The following DENND2B variants were observed in gnomAD, a reference collection of about 807,000 sequenced individuals.
The protein encoded by DENND2B is DENN domain containing 2B, also known as DENN domain-containing protein 2B.
In DENND2B, 32 loss-of-function variants were observed where a neutral mutation model predicts 116.0. That is an observed-to-expected ratio of 0.28 (90% CI 0.21 to 0.37). The LOEUF is 0.37. DENND2B is among the 10% of genes least tolerant of loss of function. DENND2B has a pLI of 1.00. For missense variants in DENND2B, 1,276 were observed against 1,477.7 expected (o/e 0.86, Z 2.24); for synonymous variants, 588 against 583.9 (o/e 1.01, Z -0.10).
intron 3 of DENND2B, among the ~76,000 whole-genome samples, chr11:8,851,723 T>C (rs376491083): frequency 7.0e-5 from 10 of 143,248 alleles, no homozygotes; most frequent in Middle Eastern, 4.0e-3. Flanking sequence ...TTTAAATACA[T>C]AGGGGGGGAC....
intron 7 of DENND2B, 25 bp from the exon 8 acceptor site, chr11:8,714,067 T>C: frequency 1.2e-6 from 2 of 1,602,646 alleles, no homozygotes; most frequent in East Asian, 2.3e-5. Context: ...GCAGAGTACA[T>C]ACTTGCTGGA....
At chr11:8,761,036 C>T (rs917923431) in intron 1 of DENND2B, among the ~76,000 whole-genome samples, 1 of 152,190 alleles carries the variant, frequency 6.6e-6, no homozygotes, top group African/African-American at 2.4e-5. Context: ...TCAAAGAAAG[C>T]CCTTTAAGTC....
At chr11:8,718,638 A>G in intron 4 of DENND2B, 1 of 1,302,088 alleles carries the variant, frequency 7.7e-7, no homozygotes, top group Non-Finnish European at 9.7e-7. Context: ...TCCTGCTGTG[A>G]CACAGGGGAG....
At chr11:8,779,300 G>T (rs1285387955) in intron 1 of DENND2B, among the ~76,000 whole-genome samples, 1 of 152,156 alleles carries the variant, frequency 6.6e-6, no homozygotes, top group Non-Finnish European at 1.5e-5. Flanking sequence ...AAGGTCCCAA[G>T]GCAGAGAGAG....
At chr11:8,830,895 A>G (rs900056763) in intron 4 of DENND2B, 4 of 152,328 alleles carry the variant, frequency 2.6e-5, no homozygotes, top group Non-Finnish European at 5.9e-5. Flanking sequence ...TGGGAAGATA[A>G]AAGGAAGAAA....
At chr11:8,825,578 A>G (rs768368216) in intron 4 of DENND2B, among the ~76,000 whole-genome samples, 18 of 152,100 alleles carry the variant, frequency 1.2e-4, no homozygotes, top group Non-Finnish European at 2.4e-4. Context: ...CTTTTTATCA[A>G]TGACTTGGAT....
At chr11:8,795,057 CT>C (rs1186519934) in intron 1 of DENND2B, among the ~76,000 whole-genome samples, 1 of 152,232 alleles carries the variant, frequency 6.6e-6, no homozygotes, top group Non-Finnish European at 1.5e-5. Context: ...CGGGGGGAAG[CT>C]TTTCCTGGCA....
At chr11:8,734,864 T>C (rs2048733677) in intron 2 of DENND2B, among the ~76,000 whole-genome samples, 1 of 151,550 alleles carries the variant, frequency 6.6e-6, no homozygotes, top group Non-Finnish European at 1.5e-5. Flanking sequence ...CTGTCGCGCA[T>C]TGAGCTTGGG....
At chr11:8,710,020 GGAT>G (rs2043317608) in intron 11 of DENND2B, among the ~76,000 whole-genome samples, 1 of 152,118 alleles carries the variant, frequency 6.6e-6, no homozygotes, top group African/African-American at 2.4e-5. Flanking sequence ...TTCTGATAAG[GGAT>G]GATAAGTGTT....
intron 1 of DENND2B, among the ~76,000 whole-genome samples, chr11:8,885,932 T>C (rs909242428): frequency 6.6e-6 from 1 of 151,988 alleles, no homozygotes; most frequent in African/African-American, 2.4e-5. Flanking sequence ...GGAATATTCT[T>C]TTTTTTTCTA....
intron 3 of DENND2B, among the ~76,000 whole-genome samples, chr11:8,728,793 G>A (rs910072394): frequency 1.3e-5 from 2 of 152,208 alleles, no homozygotes; most frequent in South Asian, 2.1e-4. Flanking sequence ...ACCAGACCAC[G>A]AAGTCCTTGA....
At chr11:8,778,688 G>C (rs1214314191) in intron 1 of DENND2B, among the ~76,000 whole-genome samples, 1 of 152,228 alleles carries the variant, frequency 6.6e-6, no homozygotes, top group Non-Finnish European at 1.5e-5. Flanking sequence ...CATGGTGCCA[G>C]TTTGGCCCAC....
chr11:8,744,026 G>T (rs779740259), intron 2 of DENND2B, among the ~76,000 whole-genome samples: 1 of 152,084 alleles, frequency 6.6e-6, no homozygotes, highest in Admixed American at 6.5e-5. Context: ...TTGCATTACA[G>T]GTATGAGCTA....
At chr11:8,905,435 T>G (rs1352578717) in intron 1 of DENND2B, among the ~76,000 whole-genome samples, 10 of 152,074 alleles carry the variant, frequency 6.6e-5, no homozygotes, top group African/African-American at 2.4e-4. Context: ...AATATACAAC[T>G]ATTAGGAGGA....
intron 2 of DENND2B, among the ~76,000 whole-genome samples, chr11:8,747,683 C>T (rs887113727): frequency 6.6e-6 from 1 of 152,116 alleles, no homozygotes; most frequent in Non-Finnish European, 1.5e-5. Context: ...TAAGGATGAA[C>T]AGTATGCTCA....
intron 11 of DENND2B, chr11:8,708,333 T>C (rs1367094640): frequency 3.0e-6 from 3 of 985,310 alleles, no homozygotes; most frequent in Non-Finnish European, 3.6e-6. Flanking sequence ...TCCACCTCCA[T>C]TCTAAGAGAG....
chr11:8,702,988 C>T lies in DENND2B; in HGVS notation c.2572-268G>A, dbSNP rs564963750. ...AGGAAGGAGTTGAGGGGCCATCCAT[C>T]GGGACCTCAGGAAGAGAGGAGAGCT... On this transcript the variant is annotated intron_variant, in intron 13 of 19. Coordinates refer to ENST00000313726, the MANE Select transcript of DENND2B (RefSeq NM_213618.2). This position sits in a 1 kb window ranked among gnomAD's most constrained non-coding sequence, Gnocchi z 4.6. The T allele has an allele frequency of 2.6e-5, 12 of 459,674 alleles. No individual in the cohort carries two copies. Among genetic ancestry groups the T allele is most frequent in the East Asian group, 1.6e-4 (4 of 25,284 alleles). 28.5% of individuals were successfully genotyped at this position (459,674 alleles called of 1,614,324 possible). A position where few individuals can be genotyped will look rare whatever the true frequency, so the allele number is the denominator to read the frequency against.
chr11:8,780,772 G>A (rs1404783975), intron 1 of DENND2B, among the ~76,000 whole-genome samples: 7 of 152,146 alleles, frequency 4.6e-5, no homozygotes, highest in South Asian at 2.1e-4. Flanking sequence ...TAGGGGCTAC[G>A]GCAGAAAAAT....
chr11:8,786,581 C>T (rs1009539724), intron 1 of DENND2B, among the ~76,000 whole-genome samples: 1 of 152,110 alleles, frequency 6.6e-6, no homozygotes. Flanking sequence ...GAGGCCAAGG[C>T]GGGAGGTCTC....
Sources: allele counts gnomAD v4.1 joint callset (sites outside exome capture counted in the v4.1 genomes callset), GRCh38; gene constraint gnomAD v4.1.1; non-coding constraint Gnocchi (gnomAD v3.1); transcripts MANE v1.5; gene names NCBI Gene and HGNC (gene_info 2026-07-23, HGNC 2026-07-21).